The following RIT2 variants were observed in gnomAD, a reference collection of about 807,000 sequenced individuals.
The protein encoded by RIT2 is Ras like without CAAX 2, also known as GTP-binding protein Rit2.
In RIT2, 24 loss-of-function variants were observed where a neutral mutation model predicts 23.7. That is an observed-to-expected ratio of 1.01 (90% CI 0.73 to 1.43). RIT2 has a LOEUF of 1.43. RIT2 is among the 40% of genes most tolerant of loss of function. The pLI is 0.00. For synonymous variants in RIT2, 107 were observed against 91.1 expected (o/e 1.17, Z -0.99); for missense variants, 236 against 266.9 (o/e 0.88, Z 0.81).
intron 4 of RIT2, among the ~76,000 whole-genome samples, chr18:42,796,254 C>T (rs555467211): frequency 4.5e-4 from 68 of 152,176 alleles, no homozygotes; most frequent in African/African-American, 1.4e-3. Flanking sequence ...ACTCCAGACG[C>T]GCTGCCTTAA....
At chr18:42,879,466 T>C (rs953608722) in intron 4 of RIT2, among the ~76,000 whole-genome samples, 2 of 152,256 alleles carry the variant, frequency 1.3e-5, no homozygotes, top group South Asian at 2.1e-4. Context: ...ATTGTTGCTA[T>C]TATATTATAC....
chr18:42,831,783 T>C (rs934786145), intron 4 of RIT2, among the ~76,000 whole-genome samples: 2 of 152,308 alleles, frequency 1.3e-5, no homozygotes, highest in African/African-American at 4.8e-5. Context: ...ATGACTATTG[T>C]CTCTCCCCCA....
intron 4 of RIT2, among the ~76,000 whole-genome samples, chr18:42,784,596 C>A (rs1913883622): frequency 6.6e-6 from 1 of 152,018 alleles, no homozygotes; most frequent in African/African-American, 2.4e-5. Context: ...TATTAGTCCA[C>A]CAAATCAGAG....
chr18:42,938,263 C>T (rs1052751379), intron 3 of RIT2, among the ~76,000 whole-genome samples: 1 of 152,122 alleles, frequency 6.6e-6, no homozygotes, highest in Non-Finnish European at 1.5e-5. Flanking sequence ...AAGGGGCTTT[C>T]AAGGAATGGA....
intron 4 of RIT2, among the ~76,000 whole-genome samples, chr18:42,856,825 CTCTTT>C (rs1479619517): frequency 3.1e-5 from 4 of 128,028 alleles, no homozygotes; most frequent in African/African-American, 1.3e-4. Context: ...TTCTCTCTCT[CTCTTT>C]TTTTTTTTTT....
chr18:43,029,402 T>C (rs970387734), intron 2 of RIT2, among the ~76,000 whole-genome samples: 4 of 151,930 alleles, frequency 2.6e-5, no homozygotes, highest in African/African-American at 9.7e-5. Flanking sequence ...GATGGGCAAA[T>C]GAGATAATAA....
At chr18:42,848,610 G>A (rs2144033191) in intron 4 of RIT2, among the ~76,000 whole-genome samples, 1 of 152,264 alleles carries the variant, frequency 6.6e-6, no homozygotes, top group African/African-American at 2.4e-5. Flanking sequence ...AGAAGAAAAT[G>A]GATACCATAC....
At chr18:43,003,373 A>G (rs927057523) in intron 2 of RIT2, among the ~76,000 whole-genome samples, 3 of 151,974 alleles carry the variant, frequency 2.0e-5, no homozygotes, top group Admixed American at 1.3e-4. Flanking sequence ...TCTTGTTTGC[A>G]TATGTGTAAC....
intron 1 of RIT2, among the ~76,000 whole-genome samples, chr18:43,110,565 A>ATTACTT (rs1913930203): frequency 6.6e-6 from 1 of 152,084 alleles, no homozygotes; most frequent in South Asian, 2.1e-4. Context: ...TAACCATGAG[A>ATTACTT]TTATTTTTAT....
intron 3 of RIT2, among the ~76,000 whole-genome samples, chr18:42,959,744 C>T (rs1910054733): frequency 6.6e-6 from 1 of 152,144 alleles, no homozygotes. Flanking sequence ...TGAACCATTG[C>T]TTAGAGGCTT....
At chr18:42,797,880 T>A (rs1204329676) in intron 4 of RIT2, among the ~76,000 whole-genome samples, 1 of 152,158 alleles carries the variant, frequency 6.6e-6, no homozygotes, top group Non-Finnish European at 1.5e-5. Flanking sequence ...ATATAAGACA[T>A]ACAATGCTTA....
intron 3 of RIT2, among the ~76,000 whole-genome samples, chr18:42,944,511 GC>G (rs1909681427): frequency 6.6e-6 from 1 of 152,044 alleles, no homozygotes; most frequent in African/African-American, 2.4e-5. Context: ...AGATGGGTGG[GC>G]CCCTGTGATT....
intron 4 of RIT2, among the ~76,000 whole-genome samples, chr18:42,887,477 A>G (rs1260462749): frequency 6.6e-6 from 1 of 152,196 alleles, no homozygotes; most frequent in Non-Finnish European, 1.5e-5. Flanking sequence ...AAGAATTGTG[A>G]AAATCCAAAA....
In RIT2 at chr18:43,001,260, C is replaced by G. The variant is rs965135183; in HGVS notation, c.161-27113G>C. Among the ~76,000 whole-genome samples, 6 of 151,980 alleles carry G rather than the reference C, an allele frequency of 3.9e-5. No homozygotes were observed. The East Asian group carries it at 1.2e-3, about 30-fold the overall frequency. On this transcript the variant is annotated intron_variant, in intron 2 of 4. Coordinates refer to ENST00000326695, the MANE Select transcript of RIT2 (RefSeq NM_002930.4). Reference sequence around the variant, plus strand: ...TCAGCCTAGAGAGGGGAGGGCCACACAGTGAATGTTTAATGTCAGTTTTTT... The same window carrying G: ...TCAGCCTAGAGAGGGGAGGGCCACAGAGTGAATGTTTAATGTCAGTTTTTT...
chr18:42,983,172 T>C (rs1019224145), intron 2 of RIT2, among the ~76,000 whole-genome samples: 2 of 151,982 alleles, frequency 1.3e-5, no homozygotes, highest in Non-Finnish European at 2.9e-5. Context: ...CATAGATAGA[T>C]AGAACAGAAC....
intron 4 of RIT2, among the ~76,000 whole-genome samples, chr18:42,915,151 T>TACACACACACAC (rs71918963): frequency 3.4e-4 from 49 of 145,958 alleles, no homozygotes; most frequent in African/African-American, 9.6e-4. Context: ...CATATAATTA[T>TACACACACACAC]ACACACACAC....
At chr18:42,971,969 G>A (rs1305124877) in intron 3 of RIT2, among the ~76,000 whole-genome samples, 1 of 152,016 alleles carries the variant, frequency 6.6e-6, no homozygotes, top group Non-Finnish European at 1.5e-5. Flanking sequence ...GTAAGTCCAT[G>A]TAAATACTGT....
chr18:42,904,698 C>T (rs1017758620), intron 4 of RIT2, among the ~76,000 whole-genome samples: 3 of 151,972 alleles, frequency 2.0e-5, no homozygotes, highest in African/African-American at 7.3e-5. Context: ...GGCATATACA[C>T]ATTTAACATA....
intron 4 of RIT2, among the ~76,000 whole-genome samples, chr18:42,755,735 A>G (rs1421865203): frequency 2.6e-5 from 4 of 152,196 alleles, no homozygotes; most frequent in Non-Finnish European, 5.9e-5. Flanking sequence ...ACTGGAACCC[A>G]GGCCATGAGA....
Sources: allele counts gnomAD v4.1 joint callset (sites outside exome capture counted in the v4.1 genomes callset), GRCh38; gene constraint gnomAD v4.1.1; transcripts MANE v1.5; gene names NCBI Gene and HGNC (gene_info 2026-07-23, HGNC 2026-07-21).